The following CDS1 variants were observed in gnomAD, a reference collection of about 807,000 sequenced individuals.
CDS1 encodes the protein phosphatidate cytidylyltransferase 1.
In CDS1, 41 loss-of-function variants were observed where a neutral mutation model predicts 62.1. The observed-to-expected ratio is 0.66, with a 90% CI of 0.51 to 0.86. The LOEUF (loss-of-function observed/expected upper bound fraction) is 0.86, where lower values mean the gene tolerates loss of function less well. Ranked by LOEUF, CDS1 falls within the 40% of genes least tolerant of loss-of-function variation. The pLI, the probability that CDS1 is intolerant of heterozygous loss-of-function variation, is 0.00. For synonymous variants in CDS1, 185 were observed against 192.6 expected (o/e 0.96, Z 0.32); for missense variants, 470 against 550.1 (o/e 0.85, Z 1.46).
At chr4:84,618,142 C>T (rs1723559537) in intron 4 of CDS1, among the ~76,000 whole-genome samples, 1 of 152,066 alleles carries the variant, frequency 6.6e-6, no homozygotes, top group Admixed American at 6.6e-5. Context: ...TAAAACTTTT[C>T]ATATATAAAT....
chr4:84,642,055 C>T (rs957285910), intron 10 of CDS1, among the ~76,000 whole-genome samples: 1 of 152,196 alleles, frequency 6.6e-6, no homozygotes, highest in Admixed American at 6.5e-5. Flanking sequence ...CAGCCGGGCA[C>T]ATTGGCTTAT....
intron 12 of CDS1, among the ~76,000 whole-genome samples, chr4:84,646,079 G>A (rs1218463292): frequency 6.6e-6 from 1 of 152,156 alleles, no homozygotes; most frequent in Non-Finnish European, 1.5e-5. Flanking sequence ...CCAGAAGGCA[G>A]AATGCTTATT....
Position 84,635,342 on chromosome 4 carries a change from A to G in CDS1, c.801A>G (p.Pro267=). The change falls in exon 8 of 13, where the codon CCA becomes CCG. Residue 267 remains proline, a synonymous_variant. Transcript: ENST00000295887. The part of the protein sequence containing the change: ...YLFGFFFGRT[P]LIKLSPKKTW... ...TTGGATTTTTTTTTGGGAGAACTCC[A>G]TTAATTAAGGTAATGGAAAAATTTT... 3 of 1,517,570 alleles carry G rather than the reference A, an allele frequency of 2.0e-6. No homozygotes were observed. The highest frequency in any genetic ancestry group is 1.4e-5 in the African/African-American group (1 of 72,322). 94.0% of individuals were successfully genotyped at this position (1,517,570 alleles called of 1,614,324 possible).
Position 84,632,428 on chromosome 4 carries a change from T to A in CDS1, c.639+551T>A, listed in dbSNP as rs571282628. Among the ~76,000 whole-genome samples, 5 of 152,318 alleles carry A rather than the reference T, an allele frequency of 3.3e-5. No individual in the cohort carries two copies. The East Asian group carries it at 7.7e-4, about 24-fold the overall frequency. On this transcript the variant is annotated intron_variant, in intron 6 of 12. Transcript: ENST00000295887. ...TTTCTTAAACTGTAGCTAGTACAAC[T>A]GTACAATGCAATGTAGTATTCAGAT...
chr4:84,590,622 C>T (rs2110034002), intron 1 of CDS1, among the ~76,000 whole-genome samples: 1 of 152,252 alleles, frequency 6.6e-6, no homozygotes, highest in East Asian at 1.9e-4. Context: ...AATTTAAGGA[C>T]AATACTTGAG....
intron 5 of CDS1, among the ~76,000 whole-genome samples, chr4:84,625,210 G>GT (rs1357944372): frequency 4.6e-5 from 7 of 152,036 alleles, no homozygotes; most frequent in Admixed American, 4.6e-4. Context: ...CCATAGACAT[G>GT]TTTTACCATT....
At chr4:84,590,999 C>A (rs1031681699) in intron 1 of CDS1, among the ~76,000 whole-genome samples, 2 of 151,938 alleles carry the variant, frequency 1.3e-5, no homozygotes, top group African/African-American at 4.8e-5. Flanking sequence ...CCTCTCGGGG[C>A]CTGATAATTT....
chr4:84,641,363 G>A (rs1235147079), intron 10 of CDS1, among the ~76,000 whole-genome samples: 1 of 152,188 alleles, frequency 6.6e-6, no homozygotes, highest in Admixed American at 6.5e-5. Context: ...ATTGTGCCTG[G>A]CCTGAAGATT....
chr4:84,604,453 T>C, intron 2 of CDS1, 83 bp downstream of exon 2: 1 of 1,407,850 alleles, frequency 7.1e-7, no homozygotes, highest in Non-Finnish European at 9.7e-7. Context: ...AATTTGGCTT[T>C]TTGTAAGTTT....
In CDS1 at chr4:84,617,384, C is replaced by G. The variant is rs565656889; in HGVS notation, c.343-180C>G. Among the ~76,000 whole-genome samples the G allele has an allele frequency of 1.8e-3, 268 of 152,246 alleles. 2 individuals are homozygous for G. Among genetic ancestry groups the G allele is most frequent in the Non-Finnish European group, 7.4e-4 (50 of 68,024 alleles). On this transcript the variant is annotated intron_variant, in intron 3 of 12. Coordinates refer to ENST00000295887, the MANE Select transcript of CDS1 (RefSeq NM_001263.4). ...TGAGTAAAACATTATTTTGCCTACCCCTTTGAGTTATCACTTGATTTTAGA... is the reference window on the plus strand; with the variant it reads ...TGAGTAAAACATTATTTTGCCTACCGCTTTGAGTTATCACTTGATTTTAGA...
chr4:84,609,382 A>G lies in CDS1; in HGVS notation c.246-47A>G, dbSNP rs764211052. 3 of 1,256,738 alleles carry G rather than the reference A, an allele frequency of 2.4e-6. No homozygotes were observed. The South Asian group carries it at 3.7e-5, about 16-fold the overall frequency. The allele number at this position is 1,256,738 out of a possible 1,614,324, so 77.8% of individuals were successfully genotyped here. A position where few individuals can be genotyped will look rare whatever the true frequency, so the allele number is the denominator to read the frequency against. ...GCAAATCAATACTGAAACCACACAA[A>G]AAACCTTAAGAACACGTTAAATACT... On this transcript the variant is annotated intron_variant, in intron 2 of 12. Transcript: ENST00000295887.
intron 2 of CDS1, among the ~76,000 whole-genome samples, chr4:84,609,173 T>G (rs1177763977): frequency 1.6e-5 from 2 of 124,922 alleles, no homozygotes; most frequent in Admixed American, 8.9e-5. Context: ...AGAGCGAGAC[T>G]CCGTCTCAAA....
At chr4:84,599,919 A>G (rs1052806149) in intron 1 of CDS1, among the ~76,000 whole-genome samples, 2 of 152,082 alleles carry the variant, frequency 1.3e-5, no homozygotes, top group Non-Finnish European at 2.9e-5. Context: ...TGGCTGGGTC[A>G]GTTGTTGGTT....
intron 1 of CDS1, among the ~76,000 whole-genome samples, chr4:84,600,195 C>A (rs1722893361): frequency 6.6e-6 from 1 of 152,186 alleles, no homozygotes; most frequent in Non-Finnish European, 1.5e-5. Context: ...AAATGTCTGT[C>A]CAAATATTTT....
intron 1 of CDS1, among the ~76,000 whole-genome samples, chr4:84,599,401 CACACATATATATATAT>C (rs1360985024): frequency 1.7e-4 from 4 of 23,952 alleles, no homozygotes; most frequent in East Asian, 4.0e-3. Context: ...TTGACACACA[CACACATATATATATAT>C]ATATATATAT....
chr4:84,586,384 A>G (rs1341691623), intron 1 of CDS1, among the ~76,000 whole-genome samples: 1 of 152,212 alleles, frequency 6.6e-6, no homozygotes, highest in African/African-American at 2.4e-5. Context: ...CTGCAACTAT[A>G]CAGTCCCACC....
chr4:84,623,692 C>T (rs1723761362), intron 5 of CDS1, among the ~76,000 whole-genome samples: 2 of 152,134 alleles, frequency 1.3e-5, no homozygotes, highest in African/African-American at 2.4e-5. Context: ...TTATTTTTCC[C>T]TTGGCTTAGA....
intron 7 of CDS1, among the ~76,000 whole-genome samples, chr4:84,635,035 G>GCAATATTTTCCTAA (rs1724134824): frequency 2.3e-5 from 1 of 43,450 alleles, no homozygotes; most frequent in African/African-American, 2.4e-4. Context: ...TATTTTCCTA[G>GCAATATTTTCCTAA]CATGCTAGTT....
Position 84,620,288 on chromosome 4 carries a change from T to A in CDS1, c.580+755T>A, listed in dbSNP as rs187413428. On this transcript the variant is annotated intron_variant, in intron 5 of 12. Transcript: ENST00000295887. ...CCCAGGGTGGAGTGCAGTGGTGTGA[T>A]CTCAGCTCACTGCAAGTTCCACCTC... Among the ~76,000 whole-genome samples the A allele has an allele frequency of 5.2e-4, 77 of 146,828 alleles. 2 individuals are homozygous for A. The East Asian group carries it at 0.014, about 26-fold the overall frequency.
Sources: allele counts gnomAD v4.1 joint callset (sites outside exome capture counted in the v4.1 genomes callset), GRCh38; gene constraint gnomAD v4.1.1; transcripts MANE v1.5; gene names NCBI Gene and HGNC (gene_info 2026-07-23, HGNC 2026-07-21).